The following CA12 variants were observed in gnomAD, a reference collection of about 807,000 sequenced individuals.
CA12 encodes the protein carbonic anhydrase 12.
CA12 carries 36 observed loss-of-function variants against 46.8 expected under a neutral mutation model. The observed-to-expected ratio is 0.77, with a 90% CI of 0.59 to 1.02. The LOEUF (loss-of-function observed/expected upper bound fraction) is 1.02. Among genes scored for constraint, CA12 ranks in the 50% least tolerant of loss-of-function variants. The probability of loss-of-function intolerance (pLI) is 0.00; values close to 1 mark genes in which losing one functional copy is unlikely to be tolerated. For missense variants in CA12, 436 were observed against 451.4 expected (o/e 0.97, Z 0.31); for synonymous variants, 202 against 187.0 (o/e 1.08, Z -0.65).
intron 10 of CA12, 99 bp from the exon 11 acceptor site, chr15:63,326,456 G>T (rs902271591): frequency 3.3e-6 from 3 of 922,528 alleles, no homozygotes; most frequent in Non-Finnish European, 3.6e-6. Context: ...TTTAAAAGTT[G>T]GATTCCTCTC....
chr15:63,324,840 A>G lies in CA12; in HGVS notation c.*1445T>C, dbSNP rs2038845052. On this transcript the variant is annotated 3_prime_UTR_variant, in exon 11 of 11. Coordinates refer to ENST00000178638, the MANE Select transcript of CA12 (RefSeq NM_001218.5). ...GAGTCAGAGGGAGGAGTAGAAGGAA[A>G]AAGATATTTAAAAAGCTATGCTTCA... The G allele has an allele frequency of 6.6e-6, 1 of 152,058 alleles. No homozygotes were observed. The highest frequency in any genetic ancestry group is 2.4e-5 in the African/African-American group (1 of 41,388). The allele number at this position is 152,058 out of a possible 1,614,324, so 9.4% of individuals were successfully genotyped here.
chr15:63,340,127 T>A lies in CA12; in HGVS notation c.747+161A>T. 1 of 831,600 alleles carries A rather than the reference T, an allele frequency of 1.2e-6. No homozygotes were observed. The highest frequency in any genetic ancestry group is 2.0e-6 in the Non-Finnish European group (1 of 502,996). The allele number at this position is 831,600 out of a possible 1,614,324, so 51.5% of individuals were successfully genotyped here. A position where few individuals can be genotyped will look rare whatever the true frequency, so the allele number is the denominator to read the frequency against. ...GCTTGACTTCTTTTGAAGCTCAGCCTGGAATTTCTGCGGTGCTTTCAGACA... is the reference window on the plus strand; with the variant it reads ...GCTTGACTTCTTTTGAAGCTCAGCCAGGAATTTCTGCGGTGCTTTCAGACA... On this transcript the variant is annotated intron_variant, in intron 7 of 10. Transcript: ENST00000178638. The surrounding 1 kb of genome is among the most constrained non-coding windows in gnomAD (Gnocchi z 4.4).
At chr15:63,376,233 G>A (rs1390886368) in intron 1 of CA12, among the ~76,000 whole-genome samples, 1 of 152,186 alleles carries the variant, frequency 6.6e-6, no homozygotes, top group Non-Finnish European at 1.5e-5. Flanking sequence ...TTCTTGAGCA[G>A]GTGCCTTCCA....
chr15:63,338,749 T>C, intron 8 of CA12, 70 bp downstream of exon 8: 1 of 1,600,804 alleles, frequency 6.2e-7, no homozygotes, highest in Non-Finnish European at 8.5e-7. Context: ...CAGAGCTGCA[T>C]TCACAGAAGA....
In CA12 at chr15:63,335,569, T is replaced by A. The variant is rs559062626; in HGVS notation, c.874+3250A>T. On this transcript the variant is annotated intron_variant, in intron 8 of 10. Coordinates refer to ENST00000178638, the MANE Select transcript of CA12 (RefSeq NM_001218.5). ...GCCTCAAACTCTTGGGCTAATGTGA[T>A]CCTCCCACCTCAGCCTCCCAAAGTG... Among the ~76,000 whole-genome samples the A allele has an allele frequency of 3.5e-4, 53 of 151,382 alleles. No homozygotes were observed. The South Asian group carries it at 7.4e-3, about 21-fold the overall frequency.
intron 1 of CA12, among the ~76,000 whole-genome samples, 165 bp downstream of exon 1, chr15:63,381,471 C>T (rs111433197): frequency 1.2e-4 from 19 of 152,362 alleles, no homozygotes; most frequent in African/African-American, 4.3e-4. Flanking sequence ...CCCGACCCAA[C>T]CTCAGCAAAG....
At chr15:63,379,569 A>G (rs2039618614) in intron 1 of CA12, among the ~76,000 whole-genome samples, 2 of 152,196 alleles carry the variant, frequency 1.3e-5, no homozygotes, top group Non-Finnish European at 2.9e-5. Context: ...CTTCCCAAGG[A>G]AGGTTATCTG....
Position 63,342,111 on chromosome 15 carries a change from G to T in CA12, c.430-14C>A. On this transcript the variant is annotated splice_polypyrimidine_tract_variant and intron_variant, in intron 4 of 10. Transcript: ENST00000178638. Reference sequence around the variant, plus strand: ...GACAATGTGCAGCTGCAGTGGGGGAGAAGCCACCCATTAGGAGATAAGCGA... The same window carrying T: ...GACAATGTGCAGCTGCAGTGGGGGATAAGCCACCCATTAGGAGATAAGCGA... The T allele has an allele frequency of 6.4e-7, 1 of 1,571,520 alleles. No individual in the cohort carries two copies. The highest frequency in any genetic ancestry group is 8.8e-7 in the Non-Finnish European group (1 of 1,142,448).
chr15:63,354,347 T>C (rs570950230), intron 2 of CA12, among the ~76,000 whole-genome samples: 251 of 152,346 alleles, frequency 1.6e-3, no homozygotes, highest in Non-Finnish European at 3.0e-3. Flanking sequence ...TTTTACATTA[T>C]AGATCAATAA....
At chr15:63,365,601 G>A (rs73444956) in intron 2 of CA12, among the ~76,000 whole-genome samples, 6,484 of 152,290 alleles carry the variant, frequency 0.043, 360 homozygotes, top group African/African-American at 0.12. Context: ...CAGCAGAGAC[G>A]GGCTTTCAGC....
rs1002610157 is a variant in CA12 at position 63,355,601 on chromosome 15, G to A, written c.107-8892C>T. Among the ~76,000 whole-genome samples, 11 of 152,198 alleles carry A rather than the reference G, an allele frequency of 7.2e-5. No homozygotes were observed. Among genetic ancestry groups the A allele is most frequent in the Admixed American group, 5.9e-4 (9 of 15,276 alleles). On this transcript the variant is annotated intron_variant, in intron 2 of 10. Coordinates refer to ENST00000178638, the MANE Select transcript of CA12 (RefSeq NM_001218.5). This position sits in a 1 kb window ranked among gnomAD's most constrained non-coding sequence, Gnocchi z 4.1. ...TCGCTTTCTGCATGCGTGTACACCTGGCTCCTGCTGCAGAGCCTGGCACAC... is the reference window on the plus strand; with the variant it reads ...TCGCTTTCTGCATGCGTGTACACCTAGCTCCTGCTGCAGAGCCTGGCACAC...
chr15:63,354,018 G>A (rs2039265549), intron 2 of CA12, among the ~76,000 whole-genome samples: 1 of 152,294 alleles, frequency 6.6e-6, no homozygotes, highest in Middle Eastern at 3.4e-3. Context: ...CCGCACAGAA[G>A]GCCACAACCT....
At chr15:63,366,643 G>A (rs2039438199) in intron 2 of CA12, among the ~76,000 whole-genome samples, 5 of 152,236 alleles carry the variant, frequency 3.3e-5, no homozygotes, top group Admixed American at 3.3e-4. Flanking sequence ...TCTCAGGCAA[G>A]TTGAAAACTT....
chr15:63,379,828 G>A (rs1001960790), intron 1 of CA12, among the ~76,000 whole-genome samples: 6 of 152,196 alleles, frequency 3.9e-5, no homozygotes, highest in African/African-American at 7.2e-5. Context: ...GGCAAGCTCT[G>A]CAGAATTCAC....
chr15:63,376,009 A>T (rs1302513313), intron 1 of CA12, among the ~76,000 whole-genome samples: 3 of 152,116 alleles, frequency 2.0e-5, no homozygotes, highest in African/African-American at 7.2e-5. Context: ...GGGTTTCTCC[A>T]TGTTGGTCAG....
chr15:63,345,363 A>C lies in CA12; in HGVS notation c.429+114T>G. 7.3e-7 allele frequency: 1 copy of C among 1,369,296 alleles called. No individual in the cohort carries two copies. Among genetic ancestry groups the C allele is most frequent in the Non-Finnish European group, 1.0e-6 (1 of 990,778 alleles). 84.8% of individuals were successfully genotyped at this position (1,369,296 alleles called of 1,614,324 possible). On this transcript the variant is annotated intron_variant, in intron 4 of 10. Coordinates refer to ENST00000178638, the MANE Select transcript of CA12 (RefSeq NM_001218.5). The surrounding 1 kb of genome is among the most constrained non-coding windows in gnomAD (Gnocchi z 4.3). ...TGCCAGGGCCAGAGGTGGGGCAGAGAGCCTGAAGGCAGCCTGTCCCATGCT... is the reference window on the plus strand; with the variant it reads ...TGCCAGGGCCAGAGGTGGGGCAGAGCGCCTGAAGGCAGCCTGTCCCATGCT...
intron 2 of CA12, among the ~76,000 whole-genome samples, chr15:63,368,435 C>T (rs972897299): frequency 6.6e-6 from 1 of 152,172 alleles, no homozygotes; most frequent in African/African-American, 2.4e-5. Flanking sequence ...TGCAGGATCC[C>T]GAGGAAACAT....
At chr15:63,350,705 G>T (rs1202968310) in intron 2 of CA12, among the ~76,000 whole-genome samples, 2 of 152,050 alleles carry the variant, frequency 1.3e-5, no homozygotes, top group South Asian at 2.1e-4. Context: ...GAATTTTGAG[G>T]CCCAGGGTGT....
chr15:63,324,539 G>A lies in CA12; in HGVS notation c.*1746C>T, dbSNP rs998252191. 7 of 152,186 alleles carry A rather than the reference G, an allele frequency of 4.6e-5. No individual in the cohort carries two copies. The highest frequency in any genetic ancestry group is 7.3e-5 in the Non-Finnish European group (5 of 68,130). The allele number at this position is 152,186 out of a possible 1,614,324, so 9.4% of individuals were successfully genotyped here. On this transcript the variant is annotated 3_prime_UTR_variant, in exon 11 of 11. Coordinates refer to ENST00000178638, the MANE Select transcript of CA12 (RefSeq NM_001218.5). ...ACCCCAGGCTTCGAGGCTGTTAGAG[G>A]TCTTGAGTGCACACACACACACAAA...
Sources: gnomAD v4.1 joint callset for allele counts (sites outside exome capture counted in the v4.1 genomes callset) on GRCh38, gnomAD v4.1.1 for gene constraint, Gnocchi (gnomAD v3.1) non-coding constraint, MANE v1.5 for transcripts, NCBI Gene and HGNC (gene_info 2026-07-23, HGNC 2026-07-21) for gene names.